ADAMTS2: variants seen among roughly 807,000 people sequenced by gnomAD.
The protein encoded by ADAMTS2 is A disintegrin and metalloproteinase with thrombospondin motifs 2.
In ADAMTS2, 50 loss-of-function variants were observed where a neutral mutation model predicts 123.0. The ratio of observed to expected loss-of-function variants is 0.41; its 90% confidence interval spans 0.32 to 0.51. ADAMTS2 has a LOEUF of 0.51. Among genes scored for constraint, ADAMTS2 ranks in the 20% least tolerant of loss-of-function variants. The pLI is 0.35. For missense variants in ADAMTS2, 1,494 were observed against 1,705.2 expected, an observed-to-expected ratio of 0.88 and a Z score of 2.18; for synonymous variants, 678 against 695.4, an observed-to-expected ratio of 0.98 and a Z score of 0.39.
rs1581227289 is a variant in ADAMTS2 at position 179,260,440 on chromosome 5, G to A, written c.688+12471C>T. ...ACACATCCTCACTCACCCTCGCTGG[G>A]CCCCAGTTTCTGCAGCCGTTAAGTG... is the stretch of plus-strand genomic sequence containing the variant. On this transcript the variant is annotated intron_variant, in intron 3 of 21. Coordinates refer to ENST00000251582, the MANE Select transcript of ADAMTS2 (RefSeq NM_014244.5). The surrounding 1 kb of genome is among the most constrained non-coding windows in gnomAD (Gnocchi z 4.2). 6.6e-6 allele frequency among the ~76,000 whole-genome samples: 1 copy of A among 152,126 alleles called. No homozygotes were observed. The highest frequency in any genetic ancestry group is 6.5e-5 in the Admixed American group (1 of 15,268).
At chr5:179,252,785 A>G (rs2113471744) in intron 3 of ADAMTS2, among the ~76,000 whole-genome samples, 1 of 152,350 alleles carries the variant, frequency 6.6e-6, no homozygotes, top group South Asian at 2.1e-4. Flanking sequence ...TGTTATTTAG[A>G]ACTTCCTTAT....
At chr5:179,273,310 A>G (rs886837721) in intron 2 of ADAMTS2, among the ~76,000 whole-genome samples, 1 of 151,972 alleles carries the variant, frequency 6.6e-6, no homozygotes, top group Admixed American at 6.5e-5. Flanking sequence ...CTATACACCA[A>G]CCCTGTCTGC....
chr5:179,121,964 G>A (rs1225574936), intron 20 of ADAMTS2: 5 of 402,002 alleles, frequency 1.2e-5, no homozygotes, highest in Admixed American at 8.9e-5. Context: ...CAGCTATCCC[G>A]TCCCTCTCGC....
At chr5:179,151,151 C>T in intron 10 of ADAMTS2, 2 of 379,066 alleles carry the variant, frequency 5.3e-6, no homozygotes, top group Non-Finnish European at 1.1e-5. Context: ...CCTACCTTGG[C>T]CTCCCAAAGT....
chr5:179,247,371 G>A (rs1765825046), intron 3 of ADAMTS2, among the ~76,000 whole-genome samples: 1 of 151,862 alleles, frequency 6.6e-6, no homozygotes. Context: ...GAGGAAAAAG[G>A]AACAGAACCT....
chr5:179,229,284 C>T (rs1212162282), intron 3 of ADAMTS2, among the ~76,000 whole-genome samples: 6 of 150,338 alleles, frequency 4.0e-5, no homozygotes, highest in Admixed American at 2.0e-4. Flanking sequence ...CCACTCCCGA[C>T]GGAGAGGTAA....
chr5:179,119,420 C>T lies in ADAMTS2; in HGVS notation c.3178+2241G>A, dbSNP rs556888121. Among the ~76,000 whole-genome samples the T allele has an allele frequency of 3.3e-5, 5 of 152,350 alleles. No homozygotes were observed. In the South Asian group the frequency reaches 1.0e-3, roughly 32 times the overall value. ...TTTCTTCCCTCTCCCTGGTGGGACT[C>T]CTCAGTGGTACAGAAAAGGGAGGAG... On this transcript the variant is annotated intron_variant, in intron 21 of 21. Coordinates refer to ENST00000251582, the MANE Select transcript of ADAMTS2 (RefSeq NM_014244.5).
chr5:179,291,468 G>A (rs1199991722), intron 2 of ADAMTS2, among the ~76,000 whole-genome samples: 5 of 152,162 alleles, frequency 3.3e-5, no homozygotes, highest in Non-Finnish European at 7.3e-5. Context: ...GACCCTTCCC[G>A]TGTCCTCTCT....
rs367786616 is a variant in ADAMTS2 at position 179,158,712 on chromosome 5, G to T, written c.1132+11C>A. 6.2e-7 allele frequency: 1 copy of T among 1,613,992 alleles called. No homozygotes were observed. The highest frequency in any genetic ancestry group is 1.7e-5 in the Admixed American group (1 of 60,010). The stretch of plus-strand genomic sequence containing the variant: ...TTCACGCCTCTGTGGCCCTGCATGG[G>T]TGAGGCTCACCTTGCATGCCGGAAG... On this transcript the variant is annotated intron_variant, in intron 6 of 21. Coordinates refer to ENST00000251582, the MANE Select transcript of ADAMTS2 (RefSeq NM_014244.5). This position sits in a 1 kb window ranked among gnomAD's most constrained non-coding sequence, Gnocchi z 5.0.
In ADAMTS2 at chr5:179,155,822, C is replaced by T. The variant is rs1371768991; in HGVS notation, c.1133-903G>A. 1.3e-5 allele frequency among the ~76,000 whole-genome samples: 2 copies of T among 152,080 alleles called. No individual in the cohort carries two copies. Among genetic ancestry groups the T allele is most frequent in the East Asian group, 1.9e-4 (1 of 5,168 alleles). On this transcript the variant is annotated intron_variant, in intron 6 of 21. Transcript: ENST00000251582. This position sits in a 1 kb window ranked among gnomAD's most constrained non-coding sequence, Gnocchi z 5.1. ...AAGCATGGAGCCCTGACTTTCAGAA[C>T]CCCAACCTGCCCTCACTCCTGCCAT...
At chr5:179,137,490 C>T (rs1763084785) in intron 12 of ADAMTS2, among the ~76,000 whole-genome samples, 1 of 152,276 alleles carries the variant, frequency 6.6e-6, no homozygotes, top group Non-Finnish European at 1.5e-5. Flanking sequence ...CGGTGAACTG[C>T]AGGAGCCCGG....
chr5:179,152,408 G>T (rs1763378994), intron 9 of ADAMTS2, among the ~76,000 whole-genome samples, 153 bp from the exon 10 acceptor site: 2 of 152,180 alleles, frequency 1.3e-5, no homozygotes, highest in Non-Finnish European at 2.9e-5. Context: ...TTCTGGGGTG[G>T]TGAAGACCTT....
chr5:179,224,472 G>A (rs573396096), intron 3 of ADAMTS2, among the ~76,000 whole-genome samples: 12 of 152,308 alleles, frequency 7.9e-5, no homozygotes, highest in South Asian at 2.1e-4. Flanking sequence ...GAAACGGTCT[G>A]CATTTCCAGA....
intron 3 of ADAMTS2, among the ~76,000 whole-genome samples, chr5:179,216,498 G>A (rs987163785): frequency 7.0e-6 from 1 of 143,668 alleles, no homozygotes; most frequent in Non-Finnish European, 1.5e-5. Flanking sequence ...CCCTCTGACC[G>A]TATTTCCGCT....
chr5:179,233,399 G>GC (rs1216024466), intron 3 of ADAMTS2, among the ~76,000 whole-genome samples: 1 of 150,268 alleles, frequency 6.7e-6, no homozygotes, highest in Non-Finnish European at 1.5e-5. Flanking sequence ...AACAAAAACA[G>GC]CCCGGGCATG....
chr5:179,146,549 T>A (rs912195847), intron 10 of ADAMTS2, among the ~76,000 whole-genome samples: 2 of 152,238 alleles, frequency 1.3e-5, no homozygotes, highest in Admixed American at 1.3e-4. Context: ...CAACATTTCA[T>A]GGCAAATCAG....
intron 2 of ADAMTS2, among the ~76,000 whole-genome samples, chr5:179,335,787 G>A (rs1488806338): frequency 6.6e-6 from 1 of 152,142 alleles, no homozygotes; most frequent in African/African-American, 2.4e-5. Context: ...TACTTTCCAT[G>A]TGCTCCCAAT....
chr5:179,344,267 A>G, intron 1 of ADAMTS2, 106 bp from the exon 2 acceptor site: 1 of 1,413,548 alleles, frequency 7.1e-7, no homozygotes, highest in Non-Finnish European at 9.5e-7. Context: ...CTGCGAAGGG[A>G]AGGGGCATTC....
chr5:179,182,824 T>C (rs1488186681), intron 4 of ADAMTS2, among the ~76,000 whole-genome samples: 2 of 151,708 alleles, frequency 1.3e-5, no homozygotes, highest in Non-Finnish European at 2.9e-5. Flanking sequence ...CTGGGGAGGG[T>C]GGGTCAGCAA....
Sources: allele counts gnomAD v4.1 joint callset (sites outside exome capture counted in the v4.1 genomes callset), GRCh38; gene constraint gnomAD v4.1.1; non-coding constraint Gnocchi (gnomAD v3.1); transcripts MANE v1.5; gene names NCBI Gene and HGNC (gene_info 2026-07-23, HGNC 2026-07-21).